Variants in XKR6 observed in about 807,000 individuals in gnomAD.
XKR6 encodes the protein XK-related protein 6.
XKR6 carries 22 observed loss-of-function variants against 56.7 expected under a neutral mutation model. That is an observed-to-expected ratio of 0.39 (90% CI 0.28 to 0.55). The LOEUF (loss-of-function observed/expected upper bound fraction) is 0.55, where lower values mean the gene tolerates loss of function less well. Among genes scored for constraint, XKR6 ranks in the 20% least tolerant of loss-of-function variants. XKR6 has a pLI of 0.66. For missense variants in XKR6, 852 were observed against 889.0 expected, an observed-to-expected ratio of 0.96 and a Z score of 0.53; for synonymous variants, 524 against 387.8, an observed-to-expected ratio of 1.35 and a Z score of -4.13.
At chr8:11,070,754 G>A (rs1800093740) in intron 1 of XKR6, among the ~76,000 whole-genome samples, 1 of 152,214 alleles carries the variant, frequency 6.6e-6, no homozygotes, top group African/African-American at 2.4e-5. Context: ...AGGCAAAGTA[G>A]AAAAGGCTTC....
chr8:11,121,001 T>C (rs2129183489), intron 1 of XKR6, among the ~76,000 whole-genome samples: 1 of 152,328 alleles, frequency 6.6e-6, no homozygotes, highest in Non-Finnish European at 1.5e-5. Flanking sequence ...AAGCTGAAAC[T>C]GGATCCCTTC....
chr8:11,003,370 C>T lies in XKR6; in HGVS notation c.765-78540G>A, dbSNP rs535050156. 4.6e-5 allele frequency among the ~76,000 whole-genome samples: 7 copies of T among 152,186 alleles called. No homozygotes were observed. The East Asian group carries it at 7.7e-4, about 17-fold the overall frequency. ...TTCTCACCATCATCACTACCATCATCGTCATTACATCACTAACAATGTCAT... is the reference window on the plus strand; with the variant it reads ...TTCTCACCATCATCACTACCATCATTGTCATTACATCACTAACAATGTCAT... On this transcript the variant is annotated intron_variant, in intron 1 of 2. Transcript: ENST00000416569.
At chr8:10,999,716 G>A (rs1323695968) in intron 1 of XKR6, among the ~76,000 whole-genome samples, 2 of 152,172 alleles carry the variant, frequency 1.3e-5, no homozygotes, top group Non-Finnish European at 2.9e-5. Flanking sequence ...CTGCAGATGT[G>A]ACCAAACAAG....
At chr8:11,141,606 T>G (rs536807120) in intron 1 of XKR6, among the ~76,000 whole-genome samples, 4 of 152,342 alleles carry the variant, frequency 2.6e-5, no homozygotes, top group African/African-American at 9.6e-5. Context: ...CCCAGACCAG[T>G]GCTCTTGGCT....
intron 1 of XKR6, among the ~76,000 whole-genome samples, chr8:11,192,292 G>C (rs1451068540): frequency 6.6e-6 from 1 of 152,066 alleles, no homozygotes; most frequent in African/African-American, 2.4e-5. Context: ...CTGAGTAGCT[G>C]GGACTACAGG....
chr8:11,049,471 A>T (rs1799490943), intron 1 of XKR6, among the ~76,000 whole-genome samples: 1 of 152,146 alleles, frequency 6.6e-6, no homozygotes, highest in African/African-American at 2.4e-5. Flanking sequence ...GGGCTGCGGG[A>T]ATTAGCCTCC....
Position 10,898,452 on chromosome 8 carries a change from C to A in XKR6, c.1426G>T (p.Ala476Ser). ...AAGCTAATAAAGACACAACACAGTG[C>A]TGGCACCGCATAGGAGTCAGTGGTC... ...PETTDSYAVP[A>S]LCCVFISFVA... Residue 476 changes from alanine to serine, a missense_variant, in exon 3 of 3, where the codon GCA (alanine) becomes TCA (serine). Ala to Ser is a moderately conservative substitution (Grantham distance 99). Coordinates refer to ENST00000416569, the MANE Select transcript of XKR6 (RefSeq NM_173683.4). This position sits in a 1 kb window ranked among gnomAD's most constrained non-coding sequence, Gnocchi z 6.6. 6.2e-7 allele frequency: 1 copy of A among 1,613,998 alleles called. No homozygotes were observed. The highest frequency in any genetic ancestry group is 8.5e-7 in the Non-Finnish European group (1 of 1,180,006).
At chr8:11,081,322 G>A (rs1176688535) in intron 1 of XKR6, among the ~76,000 whole-genome samples, 1 of 152,134 alleles carries the variant, frequency 6.6e-6, no homozygotes, top group Non-Finnish European at 1.5e-5. Context: ...GTTCCTGCAG[G>A]GGTAGAATTA....
At chr8:11,055,083 G>A (rs958655032) in intron 1 of XKR6, among the ~76,000 whole-genome samples, 1 of 152,098 alleles carries the variant, frequency 6.6e-6, no homozygotes, top group Non-Finnish European at 1.5e-5. Flanking sequence ...AATTATTCCC[G>A]ACACTTATTA....
intron 1 of XKR6, among the ~76,000 whole-genome samples, chr8:10,938,004 C>T (rs912434331): frequency 1.3e-5 from 2 of 151,894 alleles, no homozygotes; most frequent in East Asian, 1.9e-4. Context: ...CCCAGCCTCG[C>T]TGCCGCCTTG....
At chr8:11,134,414 T>C (rs1800276910) in intron 1 of XKR6, among the ~76,000 whole-genome samples, 1 of 152,122 alleles carries the variant, frequency 6.6e-6, no homozygotes, top group Non-Finnish European at 1.5e-5. Flanking sequence ...AAGGGTAGCA[T>C]CATACACTGT....
chr8:11,058,877 G>C (rs182061549), intron 1 of XKR6, among the ~76,000 whole-genome samples: 113 of 152,328 alleles, frequency 7.4e-4, no homozygotes, highest in African/African-American at 2.6e-3. Flanking sequence ...GGAATGTATA[G>C]TCACTGTGGG....
At chr8:10,943,300 C>T (rs534046271) in intron 1 of XKR6, among the ~76,000 whole-genome samples, 4 of 152,302 alleles carry the variant, frequency 2.6e-5, no homozygotes, top group Admixed American at 2.0e-4. Context: ...ATGAGCAGTC[C>T]CATTTGACAG....
intron 1 of XKR6, among the ~76,000 whole-genome samples, chr8:11,161,454 T>C (rs1452453097): frequency 1.3e-5 from 2 of 152,202 alleles, no homozygotes; most frequent in Non-Finnish European, 2.9e-5. Flanking sequence ...CTTTAACTCT[T>C]TTCACTCACC....
At chr8:11,013,725 T>C (rs1004957375) in intron 1 of XKR6, among the ~76,000 whole-genome samples, 7 of 152,334 alleles carry the variant, frequency 4.6e-5, no homozygotes, top group Middle Eastern at 3.4e-3. Flanking sequence ...AACCAGCACC[T>C]TCATGTTTAT....
intron 1 of XKR6, chr8:11,108,465 A>C (rs554664181): frequency 9.9e-5 from 41 of 414,876 alleles, no homozygotes; most frequent in South Asian, 7.3e-4. Context: ...AAATATGTTC[A>C]TTTAAAAAAC....
chr8:11,133,690 G>C (rs905903782), intron 1 of XKR6, among the ~76,000 whole-genome samples: 1 of 151,990 alleles, frequency 6.6e-6, no homozygotes, highest in African/African-American at 2.4e-5. Context: ...AAATAGGCAG[G>C]TGGCTGAAAT....
At chr8:10,910,604 G>C (rs1800323214) in intron 2 of XKR6, among the ~76,000 whole-genome samples, 1 of 152,210 alleles carries the variant, frequency 6.6e-6, no homozygotes, top group African/African-American at 2.4e-5. Context: ...GCTCTTCTGA[G>C]CAGCTGGCTG....
At chr8:11,009,775 T>C (rs28552524) in intron 1 of XKR6, among the ~76,000 whole-genome samples, 15,432 of 152,192 alleles carry the variant, frequency 0.1, 2,319 homozygotes, top group African/African-American at 0.33. Flanking sequence ...GAAATCTGAA[T>C]AAAGCATGGA....
Sources: gnomAD v4.1 joint callset for allele counts (sites outside exome capture counted in the v4.1 genomes callset) on GRCh38, gnomAD v4.1.1 for gene constraint, Gnocchi (gnomAD v3.1) non-coding constraint, MANE v1.5 for transcripts, NCBI Gene and HGNC (gene_info 2026-07-23, HGNC 2026-07-21) for gene names.